The following MYLK variants were observed in gnomAD, a reference collection of about 807,000 sequenced individuals.
MYLK encodes the protein myosin light chain kinase, smooth muscle.
A neutral mutation model predicts 203.4 loss-of-function variants in MYLK; 106 were observed. The ratio of observed to expected loss-of-function variants is 0.52; its 90% CI spans 0.45 to 0.61. MYLK has a LOEUF of 0.61. Ranked by LOEUF, MYLK falls within the 20% of genes least tolerant of loss-of-function variation. MYLK has a pLI of 0.00. For missense variants in MYLK, 2,072 were observed against 2,442.3 expected (o/e 0.85, Z 3.20); for synonymous variants, 867 against 959.5 (o/e 0.90, Z 1.78).
At chr3:123,697,778 T>C (rs2060992452) in intron 18 of MYLK, among the ~76,000 whole-genome samples, 1 of 152,248 alleles carries the variant, frequency 6.6e-6, no homozygotes, top group Admixed American at 6.5e-5. Flanking sequence ...TCTTACAGTT[T>C]GATTTGGGGC....
chr3:123,614,100 T>G lies in MYLK; in HGVS notation c.*5A>C. 2 of 1,613,830 alleles carry G rather than the reference T, an allele frequency of 1.2e-6. No individual in the cohort carries two copies. The highest frequency in any genetic ancestry group is 1.7e-6 in the Non-Finnish European group (2 of 1,179,972). On this transcript the variant is annotated 3_prime_UTR_variant, in exon 34 of 34. Transcript: ENST00000360304. ...ACTTAGAAACTGCTTTTCTCTGGCT[T>G]TGTTTCACTCTTCTTCCTCTTCCCC...
chr3:123,665,864 G>C (rs549913464), intron 22 of MYLK, among the ~76,000 whole-genome samples: 1 of 152,318 alleles, frequency 6.6e-6, no homozygotes, highest in South Asian at 2.1e-4. Context: ...ATCACAGCAA[G>C]CTCATGGAGT....
intron 4 of MYLK, among the ~76,000 whole-genome samples, chr3:123,788,472 C>G (rs1363825754): frequency 1.3e-5 from 2 of 149,736 alleles, no homozygotes; most frequent in Non-Finnish European, 2.9e-5. Context: ...ATGTGCCATG[C>G]TGGTGTGCTG....
At chr3:123,686,170 G>C (rs1336104891) in intron 19 of MYLK, among the ~76,000 whole-genome samples, 1 of 152,172 alleles carries the variant, frequency 6.6e-6, no homozygotes, top group Non-Finnish European at 1.5e-5. Flanking sequence ...TAATCATTTT[G>C]TGATGAAATT....
At chr3:123,871,109 G>GGTAAGGC (rs752597913) in intron 2 of MYLK, among the ~76,000 whole-genome samples, 4 of 152,072 alleles carry the variant, frequency 2.6e-5, no homozygotes, top group Non-Finnish European at 5.9e-5. Flanking sequence ...GCTCCCTGCT[G>GGTAAGGC]GTAAGGCTTT....
chr3:123,740,722 T>C (rs1374713196), intron 5 of MYLK, among the ~76,000 whole-genome samples: 1 of 152,114 alleles, frequency 6.6e-6, no homozygotes, highest in African/African-American at 2.4e-5. Context: ...GGCGCTGCTA[T>C]GCTAGACACT....
intron 3 of MYLK, among the ~76,000 whole-genome samples, chr3:123,808,726 C>T (rs2065455268): frequency 6.6e-6 from 1 of 152,180 alleles, no homozygotes; most frequent in South Asian, 2.1e-4. Flanking sequence ...CTAATACAAA[C>T]AACCCATTTA....
rs1311480634 is a variant in MYLK at position 123,708,837 on chromosome 3, C to T, written c.2001G>A (p.Glu667=). 3 of 1,614,148 alleles carry T rather than the reference C, an allele frequency of 1.9e-6. No homozygotes were observed. The highest frequency in any genetic ancestry group is 3.3e-5 in the Admixed American group (2 of 60,024). The change falls in exon 15 of 34, where the codon GAG becomes GAA. Residue 667 remains glutamate, a synonymous_variant. Transcript: ENST00000360304. ...TTCCTCTCTGTTCAAAGTGGAAGTC[C>T]TCTGACTCTTGGATCTCATTCCCAT... ...LHNGNEIQES[E]DFHFEQRGTQ...
Position 123,647,323 on chromosome 3 carries a change from C to A in MYLK, c.4520G>T (p.Arg1507Leu). 1.2e-6 allele frequency: 2 copies of A among 1,614,216 alleles called. No homozygotes were observed. Among genetic ancestry groups the A allele is most frequent in the South Asian group, 2.2e-5 (2 of 91,080 alleles). Residue 1507 changes from arginine (R) to leucine (L), a missense_variant, in exon 27 of 34, where the codon CGG becomes CTG. Around this residue, in one of 3 missense-constraint regions of MYLK, gnomAD observed 524 missense variants for 782.4 expected, o/e 0.67. Coordinates refer to ENST00000360304, the MANE Select transcript of MYLK (RefSeq NM_053025.4). ...AYSAKEKENI[R>L]QEISIMNCLH... ...GCAGTTCATGATGCTAATCTCCTGC[C>A]GGATATTCTCTTTCTCTTTTGCTGA...
At chr3:123,637,994 C>A (rs2058703850) in intron 29 of MYLK, 77 bp downstream of exon 29, 1 of 1,601,664 alleles carries the variant, frequency 6.2e-7, no homozygotes, top group African/African-American at 1.3e-5. Context: ...GCCTGGGGAC[C>A]CTCCTGTGGA....
At chr3:123,827,810 A>G (rs2066183378) in intron 3 of MYLK, among the ~76,000 whole-genome samples, 1 of 145,272 alleles carries the variant, frequency 6.9e-6, no homozygotes, top group South Asian at 2.2e-4. Flanking sequence ...AGGATACAAA[A>G]TTAATATACA....
chr3:123,797,709 C>G (rs1025069804), intron 3 of MYLK, among the ~76,000 whole-genome samples: 2 of 152,310 alleles, frequency 1.3e-5, no homozygotes, highest in South Asian at 2.1e-4. Flanking sequence ...GTGCTCCAAC[C>G]CTCTTGGCTT....
intron 2 of MYLK, among the ~76,000 whole-genome samples, chr3:123,870,986 C>A (rs905753363): frequency 6.6e-6 from 1 of 152,136 alleles, no homozygotes; most frequent in Non-Finnish European, 1.5e-5. Flanking sequence ...GCATTAGGGT[C>A]CTAGACTGTC....
chr3:123,735,126 A>C (rs925044587), intron 9 of MYLK: 4 of 480,326 alleles, frequency 8.3e-6, no homozygotes, highest in African/African-American at 5.9e-5. Flanking sequence ...GTTCTTCCTC[A>C]GGATGCTAAC....
rs1035653543 is a variant in MYLK, at chr3:123,696,510, G to A, written c.3448+3510C>T. Reference sequence around the variant, plus strand: ...CCCCTAGAAGCCTCCTCCAACCACCGGCTTCCTTATTCCCACTGACACGAC... The same window carrying A: ...CCCCTAGAAGCCTCCTCCAACCACCAGCTTCCTTATTCCCACTGACACGAC... On this transcript the variant is annotated intron_variant, in intron 18 of 33. Transcript: ENST00000360304. 6.6e-5 allele frequency among the ~76,000 whole-genome samples: 10 copies of A among 151,810 alleles called. No individual in the cohort carries two copies. In the East Asian group the frequency reaches 7.8e-4, roughly 12 times the overall value.
rs2058782307 is a variant in MYLK, at chr3:123,640,200, CTGTATGTTT to C, written c.4837+78_4837+86del. 1.6e-6 allele frequency: 2 copies of C among 1,275,714 alleles called. No individual in the cohort carries two copies. Among genetic ancestry groups the C allele is most frequent in the South Asian group, 2.4e-5 (2 of 83,808 alleles). 79.0% of individuals were successfully genotyped at this position (1,275,714 alleles called of 1,614,324 possible). A position where few individuals can be genotyped will look rare whatever the true frequency, so the allele number is the denominator to read the frequency against. ...CATGGTCTCGGATTTAACCCCAATA[CTGTATGTTT>C]CCTCTCACACTCAGTGTGAGAGGAA... On this transcript the variant is annotated intron_variant, in intron 28 of 33. Transcript: ENST00000360304. This position sits in a 1 kb window ranked among gnomAD's most constrained non-coding sequence, Gnocchi z 4.3.
chr3:123,745,606 A>G (rs554329185), intron 5 of MYLK, among the ~76,000 whole-genome samples: 17 of 152,270 alleles, frequency 1.1e-4, no homozygotes, highest in African/African-American at 4.1e-4. Flanking sequence ...GTGCTTATAT[A>G]TACTAGGAAC....
chr3:123,879,357 A>G (rs2033368742), intron 1 of MYLK, among the ~76,000 whole-genome samples: 1 of 152,168 alleles, frequency 6.6e-6, no homozygotes, highest in Non-Finnish European at 1.5e-5. Context: ...GTGTTGTGCC[A>G]GGGCCCAGCA....
chr3:123,639,138 T>A, intron 28 of MYLK: 2 of 855,752 alleles, frequency 2.3e-6, no homozygotes, highest in African/African-American at 1.8e-5. Flanking sequence ...CTGAGGACAG[T>A]GGCCTATTTG....
Sources: gnomAD v4.1 joint callset for allele counts (sites outside exome capture counted in the v4.1 genomes callset) on GRCh38, gnomAD v4.1.1 for gene constraint, gnomAD v4.1.1 regional missense constraint, Gnocchi (gnomAD v3.1) non-coding constraint, MANE v1.5 for transcripts, NCBI Gene and HGNC (gene_info 2026-07-23, HGNC 2026-07-21) for gene names.